Variants in MALAT1 observed in about 807,000 individuals in gnomAD.
The protein encoded by MALAT1 is metastasis associated lung adenocarcinoma transcript 1, also known as hepcarcin.
chr11:65,500,347 TAA>T, exon 3 of MALAT1: 1 of 518,672 alleles, frequency 1.9e-6, no homozygotes, highest in Non-Finnish European at 3.8e-6. Flanking sequence ...GACTTTGAGT[TAA>T]GATTATTTTT....
chr11:65,498,733 A>G (rs1854462285), exon 2 of MALAT1: 1 of 518,730 alleles, frequency 1.9e-6, no homozygotes, highest in African/African-American at 1.9e-5. Context: ...GTGCTTTAAG[A>G]GGTATTTTAA....
At chr11:65,499,075 T>C (rs1355065655) in exon 3 of MALAT1, 2 of 518,238 alleles carry the variant, frequency 3.9e-6, no homozygotes, top group Admixed American at 1.9e-5. Context: ...CAGGGGCTTC[T>C]GCTGAGGGGG....
chr11:65,503,640 A>C (rs752338808), exon 3 of MALAT1: 1 of 511,800 alleles, frequency 2.0e-6, no homozygotes, highest in Non-Finnish European at 3.9e-6. Flanking sequence ...ATACTTTTAG[A>C]AAGCTGTCTC....
chr11:65,498,452 G>A (rs933266773), intron 1 of MALAT1: 2 of 518,530 alleles, frequency 3.9e-6, no homozygotes, highest in African/African-American at 3.9e-5. Flanking sequence ...TTCCAAGAGT[G>A]GGTTTTCACG....
At chr11:65,501,547 G>A in exon 3 of MALAT1, 1 of 518,884 alleles carries the variant, frequency 1.9e-6, no homozygotes, top group South Asian at 1.4e-5. Flanking sequence ...TAACAGGGAA[G>A]AGAGAGGGTG....
At chr11:65,498,874 G>A (rs756217667) in intron 2 of MALAT1, 1 of 518,442 alleles carries the variant, frequency 1.9e-6, no homozygotes, top group South Asian at 1.4e-5. Context: ...TGTGTAGTTT[G>A]CATTCAAGTT....
chr11:65,498,914 G>A (rs552009033), intron 2 of MALAT1: 9 of 518,652 alleles, frequency 1.7e-5, no homozygotes, highest in Admixed American at 1.6e-4. Context: ...ATCTAGAAAA[G>A]TAAAACTAGA....
exon 3 of MALAT1, chr11:65,502,873 C>T (rs774418719): frequency 1.2e-5 from 6 of 492,692 alleles, no homozygotes; most frequent in Non-Finnish European, 2.0e-5. Flanking sequence ...CGGAATCTAC[C>T]ATTTTAAAGT....
At chr11:65,498,681 G>C (rs201052755) in intron 1 of MALAT1, 5 of 518,130 alleles carry the variant, frequency 9.7e-6, no homozygotes, top group South Asian at 7.0e-5. Flanking sequence ...TCCTTCAAAA[G>C]GTGGTAAACT....
chr11:65,503,313 G>T, exon 3 of MALAT1: 1 of 518,424 alleles, frequency 1.9e-6, no homozygotes, highest in South Asian at 1.4e-5. Context: ...GGGGATTTCA[G>T]GATTGAGAAA....
intron 3 of MALAT1, chr11:65,503,952 CA>C: frequency 3.9e-6 from 2 of 515,102 alleles, no homozygotes; most frequent in South Asian, 2.8e-5. Context: ...ATTTTATTTC[CA>C]GAAAGTCAGG....
chr11:65,499,022 A>G (rs374749269), exon 3 of MALAT1: 11 of 518,594 alleles, frequency 2.1e-5, no homozygotes, highest in South Asian at 1.3e-4. Flanking sequence ...GTCTATAAAT[A>G]CGCCTCGCCC....
chr11:65,500,986 ATAG>A (rs1034819722), exon 3 of MALAT1: 4 of 513,260 alleles, frequency 7.8e-6, no homozygotes, highest in East Asian at 5.4e-5. Context: ...TCCTGGAGAA[ATAG>A]TAGATGGCAA....
At chr11:65,501,415 G>A (rs773001298) in exon 3 of MALAT1, 1 of 517,590 alleles carries the variant, frequency 1.9e-6, no homozygotes. Context: ...CTGTGGAAGA[G>A]ATGTCCATTG....
At chr11:65,497,893 C>T (rs546813388) in intron 1 of MALAT1, 39 of 518,656 alleles carry the variant, frequency 7.5e-5, no homozygotes, top group South Asian at 5.3e-4. Flanking sequence ...CCTCCGGGAG[C>T]CCAGGTTTCC....
chr11:65,499,262 G>T lies in MALAT1; in HGVS notation n.525G>T, dbSNP rs571937290. 2.5e-4 allele frequency: 128 copies of T among 513,734 alleles called. 3 individuals are homozygous for T. Among genetic ancestry groups the T allele is most frequent in the South Asian group, 1.6e-3 (114 of 70,398 alleles). The allele number at this position is 513,734 out of a possible 1,614,324, so 31.8% of individuals were successfully genotyped here. ...GAAAATATGAAGACTTAGAAGAGTA[G>T]CATGAGGAAGGAAAAGATAAAAGGT... On this transcript the variant is annotated non_coding_transcript_exon_variant, in exon 3 of 4. Coordinates refer to ENST00000619449, the Ensembl canonical transcript of MALAT1.
chr11:65,498,247 C>A, intron 1 of MALAT1: 4 of 518,836 alleles, frequency 7.7e-6, no homozygotes, highest in Non-Finnish European at 7.7e-6. Context: ...GCCACTTGAA[C>A]TCGCTTTCCA....
exon 3 of MALAT1, chr11:65,501,881 T>TTA (rs1854554580): frequency 3.9e-6 from 2 of 517,410 alleles, no homozygotes; most frequent in Non-Finnish European, 7.7e-6. Context: ...CAGTGGCCTG[T>TTA]TACGGTTGGG....
exon 1 of MALAT1, chr11:65,497,857 C>T (rs780678765): frequency 5.8e-6 from 3 of 517,160 alleles, no homozygotes; most frequent in Non-Finnish European, 3.9e-6. Flanking sequence ...AGCCTCAGCT[C>T]GCCTGAAGGC....
Sources: allele counts gnomAD v4.1 joint callset, GRCh38; gene constraint gnomAD v4.1.1; transcripts MANE v1.5; gene names NCBI Gene and HGNC (gene_info 2026-07-23, HGNC 2026-07-21).